GRM1: variants seen among roughly 807,000 people sequenced by gnomAD.
The protein encoded by GRM1 is glutamate metabotropic receptor 1, also known as metabotropic glutamate receptor 1.
Under a neutral mutation model 90.9 loss-of-function variants are expected in GRM1, and 33 were observed. The observed-to-expected ratio is 0.36, with a 90% CI of 0.28 to 0.49. The LOEUF (loss-of-function observed/expected upper bound fraction) is 0.49. Among genes scored for constraint, GRM1 ranks in the 20% least tolerant of loss-of-function variants. The probability of loss-of-function intolerance (pLI) is 0.99; values close to 1 mark genes in which losing one functional copy is unlikely to be tolerated. For missense variants in GRM1, 1,190 were observed against 1,534.3 expected (o/e 0.78, Z 3.75); for synonymous variants, 700 against 613.2 (o/e 1.14, Z -2.09).
At chr6:146,106,001 A>T (rs1291383464) in intron 1 of GRM1, among the ~76,000 whole-genome samples, 1 of 152,210 alleles carries the variant, frequency 6.6e-6, no homozygotes, top group Non-Finnish European at 1.5e-5. Flanking sequence ...GTTACCTAAG[A>T]TTCTAAACAG....
chr6:146,115,428 A>T (rs1775707535), intron 1 of GRM1, among the ~76,000 whole-genome samples: 1 of 152,106 alleles, frequency 6.6e-6, no homozygotes, highest in Admixed American at 6.6e-5. Context: ...TTGTAACTTT[A>T]CTTTATAGTA....
chr6:146,429,264 C>G (rs1358409657), intron 7 of GRM1, among the ~76,000 whole-genome samples: 1 of 152,144 alleles, frequency 6.6e-6, no homozygotes, highest in Non-Finnish European at 1.5e-5. Flanking sequence ...AATTAGAAAG[C>G]ATTTGTCTTA....
At chr6:146,166,655 A>C (rs1777917276) in intron 2 of GRM1, among the ~76,000 whole-genome samples, 1 of 152,078 alleles carries the variant, frequency 6.6e-6, no homozygotes, top group Non-Finnish European at 1.5e-5. Flanking sequence ...CTGACTAATC[A>C]AATTGCAAAG....
At chr6:146,042,444 A>G (rs1188248653) in intron 1 of GRM1, among the ~76,000 whole-genome samples, 2 of 152,028 alleles carry the variant, frequency 1.3e-5, no homozygotes, top group Non-Finnish European at 2.9e-5. Flanking sequence ...AGTGAGTAGA[A>G]AAGGAAAATT....
intron 5 of GRM1, among the ~76,000 whole-genome samples, chr6:146,362,684 A>G (rs1583388406): frequency 2.0e-5 from 3 of 150,838 alleles, no homozygotes; most frequent in African/African-American, 4.9e-5. Context: ...AAAAAAAAAA[A>G]AAGACATTTC....
At chr6:146,161,175 A>G (rs968952703) in intron 2 of GRM1, among the ~76,000 whole-genome samples, 5 of 152,166 alleles carry the variant, frequency 3.3e-5, no homozygotes, top group African/African-American at 1.2e-4. Context: ...TCTCATATTT[A>G]TAATTTACAA....
At chr6:146,410,026 AAT>A (rs1777503794) in intron 7 of GRM1, among the ~76,000 whole-genome samples, 1 of 152,230 alleles carries the variant, frequency 6.6e-6, no homozygotes, top group Non-Finnish European at 1.5e-5. Context: ...TGTGGGAATT[AAT>A]ATCTTTTTCC....
intron 2 of GRM1, among the ~76,000 whole-genome samples, chr6:146,268,031 C>T (rs2114812545): frequency 6.6e-6 from 1 of 152,264 alleles, no homozygotes. Flanking sequence ...CCTCAATGGT[C>T]ATAACAAGAC....
intron 2 of GRM1, among the ~76,000 whole-genome samples, chr6:146,231,777 A>T (rs1319840494): frequency 6.6e-6 from 1 of 152,018 alleles, no homozygotes; most frequent in Non-Finnish European, 1.5e-5. Flanking sequence ...TTTAACCATG[A>T]TATATTATTA....
intron 3 of GRM1, among the ~76,000 whole-genome samples, chr6:146,332,606 AC>A (rs1784623060): frequency 6.6e-6 from 1 of 152,198 alleles, no homozygotes; most frequent in African/African-American, 2.4e-5. Flanking sequence ...GAATTTGCCC[AC>A]TTGAATAATC....
chr6:146,402,517 C>T (rs1777194675), intron 7 of GRM1, among the ~76,000 whole-genome samples: 2 of 152,056 alleles, frequency 1.3e-5, no homozygotes, highest in Admixed American at 6.5e-5. Context: ...TAGAGTTTTG[C>T]CAACTGAAGC....
Position 146,159,432 on chromosome 6 carries a change from A to G in GRM1, c.785A>G (p.Tyr262Cys), listed in dbSNP as rs1554274719. The change falls in exon 2 of 8, where the codon TAC (tyrosine) becomes TGC (cysteine). Residue 262 changes from tyrosine to cysteine, a missense_variant. Physicochemically the swap from Tyr to Cys is radical, Grantham distance 194. Coordinates refer to ENST00000282753, the MANE Select transcript of GRM1 (RefSeq NM_001278064.2). Reference sequence around the variant, plus strand: ...TGTATCGCCCATTCTGACAAAATCTACAGCAACGCTGGGGAGAAGAGCTTT... The same window carrying G: ...TGTATCGCCCATTCTGACAAAATCTGCAGCAACGCTGGGGAGAAGAGCTTT... ...GLCIAHSDKI[Y>C]SNAGEKSFDR... is the part of the protein sequence containing the mutation. 6.2e-7 allele frequency: 1 copy of G among 1,614,158 alleles called. No individual in the cohort carries two copies. The highest frequency in any genetic ancestry group is 8.5e-7 in the Non-Finnish European group (1 of 1,180,012).
In GRM1 at chr6:146,434,845, A is replaced by C; in HGVS notation, c.*49A>C. On this transcript the variant is annotated 3_prime_UTR_variant, in exon 8 of 8. Coordinates refer to ENST00000282753, the MANE Select transcript of GRM1 (RefSeq NM_001278064.2). ...GCAAGACAAGCCAGAGATCTCCCAC[A>C]CCTCCAGAGATGTGCAAACAGCTGG... The C allele has an allele frequency of 6.2e-6, 9 of 1,445,846 alleles. No individual in the cohort carries two copies. The highest frequency in any genetic ancestry group is 2.8e-5 in the African/African-American group (2 of 71,758). 89.6% of individuals were successfully genotyped at this position (1,445,846 alleles called of 1,614,324 possible). A position where few individuals can be genotyped will look rare whatever the true frequency, so the allele number is the denominator to read the frequency against.
intron 2 of GRM1, among the ~76,000 whole-genome samples, chr6:146,289,970 C>T (rs181871727): frequency 7.2e-5 from 11 of 152,150 alleles, no homozygotes; most frequent in African/African-American, 2.7e-4. Flanking sequence ...ATGATTGTAC[C>T]TGTAGCGAAG....
At chr6:146,350,456 C>T (rs1785362268) in intron 3 of GRM1, among the ~76,000 whole-genome samples, 2 of 131,258 alleles carry the variant, frequency 1.5e-5, no homozygotes, top group Admixed American at 1.6e-4. Context: ...TATTTTGCCA[C>T]TCAATTTTTG....
At position 146,159,542 on chromosome 6, in the gene GRM1, C is replaced by T; in HGVS notation, c.895C>T (p.Leu299Phe). ...CTGTGAAGGCATGACAGTGCGAGGA[C>T]TCCTGAGCGCCATGCGGCGCCTTGG... is the stretch of plus-strand genomic sequence containing the variant. ...CFCEGMTVRG[L>F]LSAMRRLGVV... The change falls in exon 2 of 8, where the codon CTC (leucine) becomes TTC (phenylalanine). Residue 299 changes from leucine to phenylalanine, a missense_variant. Physicochemically the swap from Leu to Phe is conservative, Grantham distance 22. This residue lies in a region of GRM1 where 414 missense variants were observed against 598.4 expected (regional missense o/e 0.69). Transcript: ENST00000282753. 1 of 1,614,104 alleles carries T rather than the reference C, an allele frequency of 6.2e-7. No individual in the cohort carries two copies. Among genetic ancestry groups the T allele is most frequent in the Non-Finnish European group, 8.5e-7 (1 of 1,180,008 alleles).
chr6:146,387,121 T>A, intron 6 of GRM1, 105 bp downstream of exon 6: 1 of 1,079,272 alleles, frequency 9.3e-7, no homozygotes, highest in Non-Finnish European at 1.4e-6. Context: ...AATGTTAATT[T>A]ACAATGCACA....
intron 2 of GRM1, among the ~76,000 whole-genome samples, chr6:146,210,469 A>G (rs1262901410): frequency 6.6e-6 from 1 of 152,224 alleles, no homozygotes; most frequent in Non-Finnish European, 1.5e-5. Flanking sequence ...CATACCACAC[A>G]GTAGTAACAC....
At chr6:146,050,380 G>A (rs1791482154) in intron 1 of GRM1, among the ~76,000 whole-genome samples, 1 of 151,970 alleles carries the variant, frequency 6.6e-6, no homozygotes, top group Non-Finnish European at 1.5e-5. Flanking sequence ...ATAGAGGGAG[G>A]CATTGTCAGA....
Sources: allele counts gnomAD v4.1 joint callset (sites outside exome capture counted in the v4.1 genomes callset), GRCh38; gene constraint gnomAD v4.1.1; regional missense constraint gnomAD v4.1.1; transcripts MANE v1.5; gene names NCBI Gene and HGNC (gene_info 2026-07-23, HGNC 2026-07-21).